CCNDBP1: variants seen among roughly 807,000 people sequenced by gnomAD.
CCNDBP1 encodes cyclin-D1-binding protein 1.
A neutral mutation model predicts 46.2 loss-of-function variants in CCNDBP1; 45 were observed. The observed-to-expected ratio is 0.97, with a 90% CI of 0.77 to 1.25. CCNDBP1 has a LOEUF of 1.25. Among genes scored for constraint, CCNDBP1 ranks in the 50% most tolerant of loss-of-function variants. The pLI, the probability that CCNDBP1 is intolerant of heterozygous loss-of-function variation, is 0.00. For missense variants in CCNDBP1, 436 were observed against 442.1 expected, an observed-to-expected ratio of 0.99 and a Z score of 0.12; for synonymous variants, 154 against 163.6, an observed-to-expected ratio of 0.94 and a Z score of 0.45.
intron 10 of CCNDBP1, 69 bp downstream of exon 10, chr15:43,194,530 T>G (rs1423955884): frequency 8.0e-7 from 1 of 1,244,668 alleles, no homozygotes; most frequent in African/African-American, 1.5e-5. Context: ...CGTTCTCAAC[T>G]CCCTAGCTCC....
Position 43,185,832 on chromosome 15 carries a change from A to C in CCNDBP1, c.122A>C (p.Gln41Pro), listed in dbSNP as rs1427630362. 1 of 1,611,204 alleles carries C rather than the reference A, an allele frequency of 6.2e-7. No homozygotes were observed. Among genetic ancestry groups the C allele is most frequent in the Middle Eastern group, 1.7e-4 (1 of 6,060 alleles). ...CCACACCCACAAGTCGGCGAAGCCC[A>C]GGAGACCACCGAGGAGTTTAATCGA... ...LLPRVRVGEA[Q>P]ETTEEFNREM... The change falls in exon 2 of 11, where the codon CAG becomes CCG. Residue 41 changes from glutamine (Q) to proline (P), a missense_variant. By Grantham distance (76) the Gln-to-Pro change is moderately conservative. Transcript: ENST00000300213.
At chr15:43,189,077 CAAAAAAAA>C (rs763476042) in intron 3 of CCNDBP1, 114 bp from the exon 4 acceptor site, 7 of 152,192 alleles carry the variant, frequency 4.6e-5, no homozygotes, top group Admixed American at 2.0e-4. Flanking sequence ...GACTCTGTCT[CAAAAAAAA>C]AAAAAAAAAA....
chr15:43,196,092 C>T lies in CCNDBP1; in HGVS notation c.*1251C>T, dbSNP rs951974889. ...CTATTTTTTATATACTTTTATATTT[C>T]TCTACTGGACCAAATTCATGTTATT... On this transcript the variant is annotated 3_prime_UTR_variant, in exon 11 of 11. Transcript: ENST00000300213. The T allele has an allele frequency of 1.3e-5, 2 of 151,964 alleles. 1 individual carries two copies. Among genetic ancestry groups the T allele is most frequent in the Admixed American group, 1.3e-4 (2 of 15,258 alleles). 9.4% of individuals were successfully genotyped at this position (151,964 alleles called of 1,614,324 possible).
In CCNDBP1 at chr15:43,197,054, G is replaced by A. The variant is rs75838931; in HGVS notation, c.*2213G>A. 316 of 510,652 alleles carry A rather than the reference G, an allele frequency of 6.2e-4. 4 individuals are homozygous for A. The East Asian group carries it at 0.011, about 18-fold the overall frequency. 31.6% of individuals were successfully genotyped at this position (510,652 alleles called of 1,614,324 possible). On this transcript the variant is annotated 3_prime_UTR_variant, in exon 11 of 11. Transcript: ENST00000300213. The stretch of plus-strand genomic sequence containing the variant: ...CTACCCCTCAACCCATTCTTGCCCT[G>A]TGATCTCTGCTCACGTTGCCTCCCT...
intron 4 of CCNDBP1, chr15:43,189,511 T>G (rs2041914752): frequency 2.2e-6 from 1 of 455,472 alleles, no homozygotes; most frequent in East Asian, 3.8e-5. Context: ...TCATAAGGCT[T>G]TTAATTCTCA....
chr15:43,195,668 G>C lies in CCNDBP1; in HGVS notation c.*827G>C, dbSNP rs539978570. ...ATTATACTTTTGCATCAGTCTAGAA[G>C]ACTGCATATTGGAAAGCAGTGTAAA... On this transcript the variant is annotated 3_prime_UTR_variant, in exon 11 of 11. Transcript: ENST00000300213. 6.6e-6 allele frequency: 1 copy of C among 152,142 alleles called. No homozygotes were observed. The highest frequency in any genetic ancestry group is 1.5e-5 in the Non-Finnish European group (1 of 68,044). 9.4% of individuals were successfully genotyped at this position (152,142 alleles called of 1,614,324 possible).
rs757739759 is a variant in CCNDBP1 at position 43,191,554 on chromosome 15, C to G, written c.739C>G (p.Leu247Val). Residue 247 changes from leucine (L) to valine (V), a missense_variant, in exon 8 of 11, where the codon CTG (leucine) becomes GTG (valine). Transcript: ENST00000300213. ...DQELIIPCLA[L>V]VRASKACLKK... ...AGAGCTCATAATCCCATGCCTTGCG[C>G]TGGTGAGAGCATCCAAAGCCTGCCT... 7 of 1,613,924 alleles carry G rather than the reference C, an allele frequency of 4.3e-6. No individual in the cohort carries two copies. The highest frequency in any genetic ancestry group is 5.9e-6 in the Non-Finnish European group (7 of 1,180,016).
At chr15:43,191,793 A>G (rs2041957538) in intron 8 of CCNDBP1, 118 bp downstream of exon 8, 6 of 1,157,658 alleles carry the variant, frequency 5.2e-6, no homozygotes, top group Non-Finnish European at 6.0e-6. Flanking sequence ...CCTATAGGAA[A>G]GTTTAAAAAG....
chr15:43,193,072 T>C, intron 9 of CCNDBP1: 1 of 465,158 alleles, frequency 2.1e-6, no homozygotes, highest in East Asian at 3.6e-5. Flanking sequence ...AATGATGCTT[T>C]AAGGCTGGGC....
intron 10 of CCNDBP1, 117 bp from the exon 11 acceptor site, chr15:43,194,610 C>G: frequency 1.0e-6 from 1 of 998,060 alleles, no homozygotes; most frequent in Non-Finnish European, 1.5e-6. Flanking sequence ...AGCTGAGATT[C>G]TGCAAAGAAG....
chr15:43,192,696 C>G, intron 8 of CCNDBP1, 47 bp from the exon 9 acceptor site: 1 of 1,567,030 alleles, frequency 6.4e-7, no homozygotes, highest in Non-Finnish European at 8.8e-7. Context: ...TAGAAACAAC[C>G]TGGCTGCGTT....
At position 43,186,262 on chromosome 15, in the gene CCNDBP1, G is replaced by C. The variant is rs762821871; in HGVS notation, c.249+29G>C. ...GGCTTCACTTTCGTGGAATCCTTGG[G>C]CTGCCGAGTTACACCTTAGGAATCC... On this transcript the variant is annotated intron_variant, in intron 3 of 10. Transcript: ENST00000300213. 8 of 1,573,672 alleles carry C rather than the reference G, an allele frequency of 5.1e-6. No homozygotes were observed. The Admixed American group carries it at 1.3e-4, about 26-fold the overall frequency.
At position 43,185,888 on chromosome 15, in the gene CCNDBP1, G is replaced by A. The variant is rs1320869757; in HGVS notation, c.169+9G>A. 5.6e-6 allele frequency: 9 copies of A among 1,608,132 alleles called. No individual in the cohort carries two copies. The Admixed American group carries it at 6.7e-5, about 12-fold the overall frequency. On this transcript the variant is annotated intron_variant, in intron 2 of 10. Transcript: ENST00000300213. ...GTTCTGGAGAAGACTCAGTGAGTGC[G>A]CCTCCTTCCGGGCTCCCCTTGCCTC...
chr15:43,192,012 C>T (rs1201877070), intron 8 of CCNDBP1, among the ~76,000 whole-genome samples: 4 of 152,182 alleles, frequency 2.6e-5, no homozygotes, highest in South Asian at 2.1e-4. Flanking sequence ...ATTATCACAT[C>T]CAAGAAATTT....
At position 43,197,068 on chromosome 15, in the gene CCNDBP1, C is replaced by T. The variant is rs1485302145; in HGVS notation, c.*2227C>T. 1.6e-5 allele frequency: 9 copies of T among 548,880 alleles called. No individual in the cohort carries two copies. Among genetic ancestry groups the T allele is most frequent in the South Asian group, 7.9e-5 (4 of 50,854 alleles). 34.0% of individuals were successfully genotyped at this position (548,880 alleles called of 1,614,324 possible). Reference sequence around the variant, plus strand: ...ATTCTTGCCCTGTGATCTCTGCTCACGTTGCCTCCCTTCATCTTCCTGCAT... The same window carrying T: ...ATTCTTGCCCTGTGATCTCTGCTCATGTTGCCTCCCTTCATCTTCCTGCAT... On this transcript the variant is annotated 3_prime_UTR_variant, in exon 11 of 11. Coordinates refer to ENST00000300213, the MANE Select transcript of CCNDBP1 (RefSeq NM_012142.5).
rs138744726 is a variant in CCNDBP1, at chr15:43,190,997, C to T, written c.534C>T (p.Thr178=). 4 of 1,613,862 alleles carry T rather than the reference C, an allele frequency of 2.5e-6. No individual in the cohort carries two copies. Among genetic ancestry groups the T allele is most frequent in the Admixed American group, 1.7e-5 (1 of 59,990 alleles). Residue 178 remains threonine, a synonymous_variant, in exon 7 of 11, where the codon ACC becomes ACT. Transcript: ENST00000300213. The part of the protein sequence containing the change: ...DNKAAALLML[T]KNVDFVKDAH... ...AAGCTGCAGCTCTTTTGATGCTGAC[C>T]AAGAATGTGGATTTTGTGAAGGATG...
At chr15:43,188,342 C>G (rs571731041) in intron 3 of CCNDBP1, 32 of 152,186 alleles carry the variant, frequency 2.1e-4, no homozygotes, top group Admixed American at 5.9e-4. Context: ...AAGAGAGAGA[C>G]CTGGTTAATG....
In CCNDBP1 at chr15:43,186,224, G is replaced by T. The variant is rs371965492; in HGVS notation, c.240G>T (p.Pro80=). 1 of 1,613,606 alleles carries T rather than the reference G, an allele frequency of 6.2e-7. No individual in the cohort carries two copies. The highest frequency in any genetic ancestry group is 1.3e-5 in the African/African-American group (1 of 74,906). ...TAGTCTTCTCTCAGCTTCCACTGCC[G>T]TCTCCACAGGTGGGCTTCACTTTCG... The part of the protein sequence containing the change: ...LTIVFSQLPL[P]SPQETQKFCE... The change falls in exon 3 of 11, where the codon CCG becomes CCT. Residue 80 remains proline, a synonymous_variant. Coordinates refer to ENST00000300213, the MANE Select transcript of CCNDBP1 (RefSeq NM_012142.5).
chr15:43,189,788 T>C (rs2041917989), intron 4 of CCNDBP1: 4 of 475,806 alleles, frequency 8.4e-6, no homozygotes, highest in Admixed American at 7.4e-5. Flanking sequence ...TCTACAGTTG[T>C]TAAGAGATCA....
Sources: gnomAD v4.1 joint callset for allele counts (sites outside exome capture counted in the v4.1 genomes callset) on GRCh38, gnomAD v4.1.1 for gene constraint, MANE v1.5 for transcripts, NCBI Gene and HGNC (gene_info 2026-07-23, HGNC 2026-07-21) for gene names.